Variants in ANGPTL4 observed in about 807,000 individuals in gnomAD.
ANGPTL4 encodes angiopoietin like 4.
Under a neutral mutation model 39.2 loss-of-function variants are expected in ANGPTL4, and 39 were observed. The ratio of observed to expected loss-of-function variants is 1.00; its 90% confidence interval spans 0.77 to 1.30. The LOEUF is 1.30. Ranked by LOEUF, ANGPTL4 falls within the 50% of genes most tolerant of loss-of-function variation. The pLI is 0.00. For missense variants in ANGPTL4, 545 were observed against 549.8 expected, an observed-to-expected ratio of 0.99 and a Z score of 0.09; for synonymous variants, 233 against 229.5, an observed-to-expected ratio of 1.02 and a Z score of -0.14.
chr19:8,372,456 C>T (rs1280060493), intron 6 of ANGPTL4, among the ~76,000 whole-genome samples: 2 of 127,628 alleles, frequency 1.6e-5, no homozygotes, highest in Admixed American at 8.4e-5. Flanking sequence ...TGCAGTGGTG[C>T]GATCTCGGCT....
At chr19:8,367,114 C>CA (rs1971022512) in intron 3 of ANGPTL4, among the ~76,000 whole-genome samples, 1 of 152,148 alleles carries the variant, frequency 6.6e-6, no homozygotes, top group South Asian at 2.1e-4. Context: ...CCCCCTCTCA[C>CA]ACCCTAGGGT....
At chr19:8,369,432 C>A in intron 4 of ANGPTL4, 100 bp downstream of exon 4, 4 of 781,288 alleles carry the variant, frequency 5.1e-6, no homozygotes, top group Non-Finnish European at 8.3e-6. Context: ...AAGGCAGGGT[C>A]TTGCTATGTT....
chr19:8,369,365 C>T lies in ANGPTL4; in HGVS notation c.661+33C>T, dbSNP rs573092895. On this transcript the variant is annotated intron_variant, in intron 4 of 6. Transcript: ENST00000301455. The stretch of plus-strand genomic sequence containing the variant: ...GTGTTAGTCCACCAGGGGCCCCTCT[C>T]CCCATAGGCCCTGTTGTCTTTCTTT... The T allele has an allele frequency of 9.0e-5, 132 of 1,466,964 alleles. No homozygotes were observed. The African/African-American group carries it at 1.6e-3, about 17-fold the overall frequency. The allele number at this position is 1,466,964 out of a possible 1,614,324, so 90.9% of individuals were successfully genotyped here.
chr19:8,369,375 C>T, intron 4 of ANGPTL4, 43 bp downstream of exon 4: 14 of 1,422,278 alleles, frequency 9.8e-6, no homozygotes, highest in Non-Finnish European at 1.3e-5. Flanking sequence ...CCCCATAGGC[C>T]CTGTTGTCTT....
rs919979743 is a variant in ANGPTL4, at chr19:8,371,351, T to A, written c.868T>A (p.Ser290Thr). ...TGGCAACGCCGAGTTGCTGCAGTTC[T>A]CCGTGCACCTGGGTGGCGAGGACAC... Reference protein sequence around the residue: ...WDGNAELLQFSVHLGGEDTAY... With the variant: ...WDGNAELLQFTVHLGGEDTAY... Residue 290 changes from serine (S) to threonine (T), a missense_variant, in exon 6 of 7, where the codon TCC becomes ACC. Coordinates refer to ENST00000301455, the MANE Select transcript of ANGPTL4 (RefSeq NM_139314.3). This position sits in a 1 kb window ranked among gnomAD's most constrained non-coding sequence, Gnocchi z 5.1. 5.6e-6 allele frequency: 9 copies of A among 1,613,610 alleles called. No homozygotes were observed. Among genetic ancestry groups the A allele is most frequent in the Admixed American group, 1.7e-5 (1 of 59,994 alleles).
Position 8,364,298 on chromosome 19 carries a change from C to T in ANGPTL4, c.-24C>T, listed in dbSNP as rs150590640. ...CAACGTCCCCGAGAGTCCCCGAATC[C>T]CCGCTCCCAGGCTACCTAAGAGGAT... On this transcript the variant is annotated 5_prime_UTR_variant, in exon 1 of 7. Transcript: ENST00000301455. 1.3e-5 allele frequency: 20 copies of T among 1,532,352 alleles called. No individual in the cohort carries two copies. The highest frequency in any genetic ancestry group is 1.8e-5 in the Non-Finnish European group (20 of 1,142,766). 94.9% of individuals were successfully genotyped at this position (1,532,352 alleles called of 1,614,324 possible).
At position 8,364,422 on chromosome 19, in the gene ANGPTL4, G is replaced by C; in HGVS notation, c.101G>C (p.Arg34Pro). 1.3e-6 allele frequency: 2 copies of C among 1,550,058 alleles called. No homozygotes were observed. Among genetic ancestry groups the C allele is most frequent in the Non-Finnish European group, 1.7e-6 (2 of 1,150,216 alleles). Residue 34 changes from arginine to proline, a missense_variant, in exon 1 of 7, where the codon CGC becomes CCC. Physicochemically the swap from Arg to Pro is moderately radical, Grantham distance 103. Coordinates refer to ENST00000301455, the MANE Select transcript of ANGPTL4 (RefSeq NM_139314.3). ...QGGPVQSKSP[R>P]FASWDEMNVL... Reference sequence around the variant, plus strand: ...GGACCCGTGCAGTCCAAGTCGCCGCGCTTTGCGTCCTGGGACGAGATGAAT... The same window carrying C: ...GGACCCGTGCAGTCCAAGTCGCCGCCCTTTGCGTCCTGGGACGAGATGAAT...
chr19:8,371,281 G>A lies in ANGPTL4; in HGVS notation c.798G>A (p.Thr266=), dbSNP rs748220039. ...GTCTGGAGAAGGTGCATAGCATCAC[G>A]GGGGACCGCAACAGCCGCCTGGCCG... ...WLGLEKVHSI[T]GDRNSRLAVQ... is the part of the protein sequence containing the mutation. The change falls in exon 6 of 7, where the codon ACG becomes ACA. Residue 266 remains threonine, a synonymous_variant. Coordinates refer to ENST00000301455, the MANE Select transcript of ANGPTL4 (RefSeq NM_139314.3). The surrounding 1 kb of genome is among the most constrained non-coding windows in gnomAD (Gnocchi z 5.1). 1.7e-5 allele frequency: 28 copies of A among 1,613,392 alleles called. No individual in the cohort carries two copies. The African/African-American group carries it at 3.2e-4, about 18-fold the overall frequency.
In ANGPTL4 at chr19:8,371,483, G is replaced by A. The variant is rs756065414; in HGVS notation, c.1000G>A (p.Asp334Asn). The A allele has an allele frequency of 2.5e-6, 4 of 1,613,048 alleles. No individual in the cohort carries two copies. The highest frequency in any genetic ancestry group is 1.1e-5 in the South Asian group (1 of 91,082). ...VPFSTWDQDH[D>N]LRRDKNCAKS... ...CTTCTCCACTTGGGACCAGGATCAC[G>A]ACCTCCGCAGGGACAAGAACTGCGC... The change falls in exon 6 of 7, where the codon GAC becomes AAC. Residue 334 changes from aspartate to asparagine, a missense_variant. Physicochemically the swap from Asp to Asn is conservative, Grantham distance 23. Coordinates refer to ENST00000301455, the MANE Select transcript of ANGPTL4 (RefSeq NM_139314.3). This position sits in a 1 kb window ranked among gnomAD's most constrained non-coding sequence, Gnocchi z 5.1.
At chr19:8,372,503 CA>C (rs34569037) in intron 6 of ANGPTL4, among the ~76,000 whole-genome samples, 34 of 136,280 alleles carry the variant, frequency 2.5e-4, no homozygotes, top group East Asian at 4.4e-4. Context: ...AAGCAATTCT[CA>C]AAAAAAAAAA....
At chr19:8,369,002 C>T (rs1971061066) in intron 3 of ANGPTL4, among the ~76,000 whole-genome samples, 1 of 152,118 alleles carries the variant, frequency 6.6e-6, no homozygotes. Context: ...AGGATGGGCA[C>T]GGGGGCTGGT....
intron 6 of ANGPTL4, among the ~76,000 whole-genome samples, chr19:8,372,970 T>C (rs1024655560): frequency 6.7e-6 from 1 of 150,258 alleles, no homozygotes; most frequent in African/African-American, 2.4e-5. Flanking sequence ...AAAAATTGTT[T>C]TTAAACTTAA....
intron 4 of ANGPTL4, 149 bp downstream of exon 4, chr19:8,369,481 T>TG: frequency 1.8e-6 from 1 of 567,794 alleles, no homozygotes; most frequent in Non-Finnish European, 2.9e-6. Context: ...TTTTTTGAGA[T>TG]GGAGTTTTGC....
chr19:8,367,410 C>G (rs956090050), intron 3 of ANGPTL4, among the ~76,000 whole-genome samples: 1 of 152,136 alleles, frequency 6.6e-6, no homozygotes, highest in African/African-American at 2.4e-5. Flanking sequence ...GGAGAAAGTT[C>G]AGAGCTGGGA....
intron 3 of ANGPTL4, among the ~76,000 whole-genome samples, chr19:8,368,024 CTT>C (rs762259435): frequency 2.3e-5 from 3 of 129,166 alleles, no homozygotes; most frequent in Non-Finnish European, 3.2e-5. Flanking sequence ...TTTATCAAGT[CTT>C]TTTTTTTTTT....
At chr19:8,365,591 G>T (rs1970986003) in intron 1 of ANGPTL4, among the ~76,000 whole-genome samples, 1 of 152,160 alleles carries the variant, frequency 6.6e-6, no homozygotes, top group Admixed American at 6.5e-5. Flanking sequence ...GGAGGCAGAG[G>T]TTGCAGTGAG....
At chr19:8,368,460 T>C (rs903215854) in intron 3 of ANGPTL4, among the ~76,000 whole-genome samples, 4 of 151,868 alleles carry the variant, frequency 2.6e-5, no homozygotes, top group African/African-American at 9.7e-5. Context: ...TGTCCAGGAG[T>C]GGGAAGTCCT....
intron 1 of ANGPTL4, among the ~76,000 whole-genome samples, chr19:8,365,565 G>C (rs920505710): frequency 6.6e-6 from 1 of 152,106 alleles, no homozygotes; most frequent in African/African-American, 2.4e-5. Context: ...TGAGACACAA[G>C]AATCACTTGA....
Position 8,371,009 on chromosome 19 carries a change from C to A in ANGPTL4, c.662-47C>A. 6.5e-7 allele frequency: 1 copy of A among 1,549,604 alleles called. No individual in the cohort carries two copies. On this transcript the variant is annotated intron_variant, in intron 4 of 6. Transcript: ENST00000301455. The surrounding 1 kb of genome is among the most constrained non-coding windows in gnomAD (Gnocchi z 5.1). ...TGGCAGCCAGATGAGGGAGTGGGGT[C>A]GTCTGTGAAGAGGGACTTCCTGGTG...
Sources: gnomAD v4.1 joint callset for allele counts (sites outside exome capture counted in the v4.1 genomes callset) on GRCh38, gnomAD v4.1.1 for gene constraint, Gnocchi (gnomAD v3.1) non-coding constraint, MANE v1.5 for transcripts, NCBI Gene and HGNC (gene_info 2026-07-23, HGNC 2026-07-21) for gene names.